PPEF2: variants seen among roughly 807,000 people sequenced by gnomAD.
The protein encoded by PPEF2 is serine/threonine-protein phosphatase with EF-hands 2.
In PPEF2, 84 loss-of-function variants were observed where a neutral mutation model predicts 84.7. The ratio of observed to expected loss-of-function variants is 0.99; its 90% CI spans 0.83 to 1.19. The LOEUF (loss-of-function observed/expected upper bound fraction) is 1.19, where lower values mean the gene tolerates loss of function less well. Ranked by LOEUF, PPEF2 falls within the 50% of genes most tolerant of loss-of-function variation. The probability of loss-of-function intolerance (pLI) is 0.00; values close to 1 mark genes in which losing one functional copy is unlikely to be tolerated. For synonymous variants in PPEF2, 346 were observed against 345.2 expected, an observed-to-expected ratio of 1.00 and a Z score of -0.03; for missense variants, 924 against 937.5, an observed-to-expected ratio of 0.99 and a Z score of 0.19.
At chr4:75,871,915 T>A (rs1724289503) in intron 13 of PPEF2, 110 bp downstream of exon 13, 1 of 1,250,996 alleles carries the variant, frequency 8.0e-7, no homozygotes, top group South Asian at 1.6e-5. Context: ...ATAGCCAAAT[T>A]CTGAATTCTC....
intron 15 of PPEF2, among the ~76,000 whole-genome samples, chr4:75,865,022 C>T (rs965605065): frequency 5.3e-5 from 8 of 151,354 alleles, no homozygotes; most frequent in Non-Finnish European, 1.2e-4. Context: ...CTGCAACCTC[C>T]GCCTCCCGGG....
chr4:75,867,304 C>A lies in PPEF2; in HGVS notation c.1756+9G>T. On this transcript the variant is annotated intron_variant, in intron 14 of 16. Coordinates refer to ENST00000286719, the MANE Select transcript of PPEF2 (RefSeq NM_006239.3). ...TTCCTCTGTGAATCTTTAACTTGAT[C>A]ATTCTTACCGACTTTATCTGCATCA... 1.9e-6 allele frequency: 3 copies of A among 1,601,652 alleles called. No homozygotes were observed. The South Asian group carries it at 3.3e-5, about 18-fold the overall frequency.
At chr4:75,877,043 G>GAAAGAAAGAAAGAAAGAA (rs1326346994) in intron 10 of PPEF2, among the ~76,000 whole-genome samples, 1 of 22,300 alleles carries the variant, frequency 4.5e-5, no homozygotes, top group Non-Finnish European at 3.3e-4. Flanking sequence ...AGAAAGAAAA[G>GAAAGAAAGAAAGAAAGAA]AAACAGAGAA....
Position 75,866,301 on chromosome 4 carries a change from A to G in PPEF2, c.1808T>C (p.Leu603Pro), listed in dbSNP as rs1369490969. 1 of 1,614,112 alleles carries G rather than the reference A, an allele frequency of 6.2e-7. No individual in the cohort carries two copies. The highest frequency in any genetic ancestry group is 1.1e-5 in the South Asian group (1 of 91,070). Residue 603 changes from leucine to proline, a missense_variant, in exon 15 of 17, where the codon CTA becomes CCA. Transcript: ENST00000286719. ...CCTCAGCATCCGCCATGGCAGTCCT[A>G]GGTGCAACACAGACTCCACCGCTGC... The part of the protein sequence containing the change: ...WAAAVESVLH[L>P]GLPWRMLRPQ...
Position 75,876,514 on chromosome 4 carries a change from T to C in PPEF2, c.1093A>G (p.Lys365Glu). Residue 365 changes from lysine to glutamate, a missense_variant, in exon 11 of 17, where the codon AAG (lysine) becomes GAG (glutamate). Physicochemically the swap from Lys to Glu is moderately conservative, Grantham distance 56 (BLOSUM62 1). Transcript: ENST00000286719. Reference protein sequence around the residue: ...PSSPLRLGSYKAQKTSRSSSI... With the variant: ...PSSPLRLGSYEAQKTSRSSSI... ...GAGGACCTGCTGGTTTTCTGGGCCT[T>C]GTAGGAGCCAAGCCGAAGGGGCGAA... is the stretch of plus-strand genomic sequence containing the variant. The C allele has an allele frequency of 6.2e-7, 1 of 1,613,988 alleles. No individual in the cohort carries two copies. Among genetic ancestry groups the C allele is most frequent in the Non-Finnish European group, 8.5e-7 (1 of 1,179,968 alleles).
chr4:75,883,699 T>G (rs190019242), intron 8 of PPEF2, among the ~76,000 whole-genome samples: 120 of 150,540 alleles, frequency 8.0e-4, no homozygotes, highest in African/African-American at 2.8e-3. Context: ...GCTCCTGTAG[T>G]CCCAGCTACT....
chr4:75,883,324 G>A, intron 8 of PPEF2, 122 bp from the exon 9 acceptor site: 1 of 875,208 alleles, frequency 1.1e-6, no homozygotes, highest in Non-Finnish European at 1.8e-6. Context: ...AAAAGAGACT[G>A]AGGAATAATC....
intron 12 of PPEF2, among the ~76,000 whole-genome samples, chr4:75,872,447 C>T (rs1288108339): frequency 6.6e-6 from 1 of 152,172 alleles, no homozygotes; most frequent in African/African-American, 2.4e-5. Context: ...ATAGAAAACA[C>T]CATATTTGCT....
chr4:75,891,675 G>A lies in PPEF2; in HGVS notation c.214C>T (p.His72Tyr), dbSNP rs776818785. Residue 72 changes from histidine (H) to tyrosine (Y), a missense_variant, in exon 4 of 17, where the codon CAC becomes TAC. Physicochemically the swap from His to Tyr is moderately conservative, Grantham distance 83. Coordinates refer to ENST00000286719, the MANE Select transcript of PPEF2 (RefSeq NM_006239.3). ...TCGTTGTGGCTGCTGGGGATGAAGTGATCCATGAGATAGCTGAAGAAGTCA... is the reference window on the plus strand; with the variant it reads ...TCGTTGTGGCTGCTGGGGATGAAGTAATCCATGAGATAGCTGAAGAAGTCA... ...LHDFFSYLMD[H>Y]FIPSSHNDRD... The A allele has an allele frequency of 6.2e-7, 1 of 1,611,894 alleles. No homozygotes were observed. The highest frequency in any genetic ancestry group is 8.5e-7 in the Non-Finnish European group (1 of 1,179,136).
Position 75,896,315 on chromosome 4 carries a change from C to A in PPEF2, c.11G>T (p.Gly4Val). Reference sequence around the variant, plus strand: ...AGCAAAATGATGTTGGGTGGAGGTGCCGCTTCCCATAGTTTAAGCGCAATG... The same window carrying A: ...AGCAAAATGATGTTGGGTGGAGGTGACGCTTCCCATAGTTTAAGCGCAATG... The part of the protein sequence containing the change: MGS[G>V]TSTQHHFAFQ... The change falls in exon 2 of 17, where the codon GGC (glycine) becomes GTC (valine). Residue 4 changes from glycine to valine, a missense_variant. Transcript: ENST00000286719. 6.2e-7 allele frequency: 1 copy of A among 1,614,148 alleles called. No individual in the cohort carries two copies. The highest frequency in any genetic ancestry group is 1.1e-5 in the South Asian group (1 of 91,076).
intron 11 of PPEF2, among the ~76,000 whole-genome samples, chr4:75,873,603 G>A (rs1293372397): frequency 6.6e-6 from 1 of 152,164 alleles, no homozygotes; most frequent in Non-Finnish European, 1.5e-5. Context: ...AGATGAAGTT[G>A]TCCTGCTAGA....
At position 75,896,322 on chromosome 4, in the gene PPEF2, C is replaced by T. The variant is rs1173834842; in HGVS notation, c.4G>A (p.Gly2Arg). 3.1e-6 allele frequency: 5 copies of T among 1,614,026 alleles called. No individual in the cohort carries two copies. Among genetic ancestry groups the T allele is most frequent in the African/African-American group, 1.3e-5 (1 of 74,910 alleles). Reference protein sequence around the residue: MGSGTSTQHHFA... With the variant: MRSGTSTQHHFA... The stretch of plus-strand genomic sequence containing the variant: ...TGATGTTGGGTGGAGGTGCCGCTTC[C>T]CATAGTTTAAGCGCAATGCTCCTGC... Residue 2 changes from glycine (G) to arginine (R), a missense_variant, in exon 2 of 17, where the codon GGA (glycine) becomes AGA (arginine). Transcript: ENST00000286719.
At chr4:75,864,639 T>C in intron 15 of PPEF2, 112 bp from the exon 16 acceptor site, 1 of 832,396 alleles carries the variant, frequency 1.2e-6, no homozygotes, top group East Asian at 2.6e-5. Flanking sequence ...AACCTGAAAA[T>C]ATTTTGCCAT....
chr4:75,896,522 A>C, intron 1 of PPEF2, 139 bp from the exon 2 acceptor site: 1 of 623,790 alleles, frequency 1.6e-6, no homozygotes. Flanking sequence ...CTCCCCTGAG[A>C]GTTCCCTCCA....
intron 10 of PPEF2, chr4:75,882,701 G>A (rs1368068717): frequency 6.7e-6 from 3 of 444,640 alleles, no homozygotes; most frequent in Non-Finnish European, 1.2e-5. Context: ...GTTTTGCTAT[G>A]TTGCCCAGAC....
intron 11 of PPEF2, 143 bp from the exon 12 acceptor site, chr4:75,873,455 A>C (rs2149217330): frequency 4.8e-6 from 4 of 832,870 alleles, no homozygotes; most frequent in Non-Finnish European, 7.2e-6. Flanking sequence ...TTTGACATAC[A>C]TTTATATTTT....
chr4:75,883,372 G>A (rs960930952), intron 8 of PPEF2, 170 bp from the exon 9 acceptor site: 19 of 610,242 alleles, frequency 3.1e-5, no homozygotes, highest in Non-Finnish European at 4.0e-5. Flanking sequence ...TCCCTGGGTA[G>A]AGAAATTATG....
At chr4:75,869,703 C>T (rs564879588) in intron 13 of PPEF2, among the ~76,000 whole-genome samples, 145 of 152,220 alleles carry the variant, frequency 9.5e-4, no homozygotes, top group African/African-American at 3.4e-3. Flanking sequence ...AAAAAATTAG[C>T]TGGGCATGAT....
intron 3 of PPEF2, 72 bp from the exon 4 acceptor site, chr4:75,891,777 C>T (rs1724890853): frequency 1.3e-6 from 2 of 1,595,954 alleles, no homozygotes; most frequent in African/African-American, 2.7e-5. Flanking sequence ...TCCAGTTGGC[C>T]TCACTTTAGG....
Sources: allele counts gnomAD v4.1 joint callset (sites outside exome capture counted in the v4.1 genomes callset), GRCh38; gene constraint gnomAD v4.1.1; transcripts MANE v1.5; gene names NCBI Gene and HGNC (gene_info 2026-07-23, HGNC 2026-07-21).